Variants in AOPEP observed in about 807,000 individuals in gnomAD.
AOPEP encodes the protein aminopeptidase O.
Under a neutral mutation model 98.1 loss-of-function variants are expected in AOPEP, and 77 were observed. The ratio of observed to expected loss-of-function variants is 0.78; its 90% CI spans 0.65 to 0.95. The LOEUF (loss-of-function observed/expected upper bound fraction) is 0.95. Among genes scored for constraint, AOPEP ranks in the 40% least tolerant of loss-of-function variants. The pLI, the probability that AOPEP is intolerant of heterozygous loss-of-function variation, is 0.00. For missense variants in AOPEP, 1,024 were observed against 1,024.7 expected (o/e 1.00, Z 0.01); for synonymous variants, 346 against 365.3 (o/e 0.95, Z 0.60).
chr9:94,761,118 C>A (rs991218579), intron 2 of AOPEP, among the ~76,000 whole-genome samples: 7 of 151,908 alleles, frequency 4.6e-5, no homozygotes, highest in Admixed American at 4.6e-4. Context: ...TGACCCCCCC[C>A]AAAGCATACA....
chr9:95,092,533 G>C, the AOPEP span, among the ~76,000 whole-genome samples: 1 of 152,254 alleles, frequency 6.6e-6, no homozygotes, highest in Non-Finnish European at 1.5e-5. Flanking sequence ...GCACAGAGGC[G>C]ACTGGGTGTG....
At chr9:94,914,574 A>G (rs562346532) in intron 5 of AOPEP, among the ~76,000 whole-genome samples, 1 of 128,932 alleles carries the variant, frequency 7.8e-6, no homozygotes, top group Non-Finnish European at 1.7e-5. Flanking sequence ...GTACAGGATA[A>G]ATATGTGCCC....
chr9:94,822,275 G>C (rs1853415297), intron 5 of AOPEP, among the ~76,000 whole-genome samples: 1 of 152,202 alleles, frequency 6.6e-6, no homozygotes, highest in African/African-American at 2.4e-5. Context: ...AGCAGCAGGA[G>C]GGTCATTTTG....
chr9:94,775,003 T>A (rs1008854048), intron 3 of AOPEP, among the ~76,000 whole-genome samples: 4 of 152,188 alleles, frequency 2.6e-5, no homozygotes. Context: ...TTTTGCCATT[T>A]GTCTTATTTT....
At chr9:95,117,572 A>G in the AOPEP span, among the ~76,000 whole-genome samples, 2 of 147,050 alleles carry the variant, frequency 1.4e-5, no homozygotes, top group Non-Finnish European at 3.0e-5. Flanking sequence ...TTCCAGAATA[A>G]TTAACCTTTT....
chr9:95,071,494 TAAAG>T (rs2068508181), intron 14 of AOPEP, among the ~76,000 whole-genome samples: 1 of 152,180 alleles, frequency 6.6e-6, no homozygotes, highest in African/African-American at 2.4e-5. Context: ...TGTTTAAAAA[TAAAG>T]CAAGGAAAGC....
chr9:94,975,135 A>G (rs573083393), intron 10 of AOPEP, among the ~76,000 whole-genome samples: 72 of 152,176 alleles, frequency 4.7e-4, no homozygotes, highest in African/African-American at 1.7e-3. Flanking sequence ...GAAGGCTGAG[A>G]TGGGAGGATC....
At chr9:95,032,969 AT>A (rs957475024) in intron 13 of AOPEP, among the ~76,000 whole-genome samples, 1 of 152,210 alleles carries the variant, frequency 6.6e-6, no homozygotes, top group Non-Finnish European at 1.5e-5. Flanking sequence ...ACTAGAGTTC[AT>A]TTTAGAATGG....
chr9:94,961,279 C>T (rs2058822606), intron 9 of AOPEP, among the ~76,000 whole-genome samples: 1 of 152,096 alleles, frequency 6.6e-6, no homozygotes, highest in Non-Finnish European at 1.5e-5. Flanking sequence ...CTATGGTTTT[C>T]TATCTTTTTT....
At chr9:94,744,398 C>G (rs762909252) in intron 1 of AOPEP, among the ~76,000 whole-genome samples, 10 of 147,698 alleles carry the variant, frequency 6.8e-5, no homozygotes, top group Admixed American at 2.7e-4. Context: ...GTCTCAACAA[C>G]AACAACAACA....
At chr9:95,132,534 A>C in the AOPEP span, among the ~76,000 whole-genome samples, 7 of 152,306 alleles carry the variant, frequency 4.6e-5, no homozygotes, top group African/African-American at 1.7e-4. Context: ...TCTGTACAGT[A>C]AATGACAATC....
the AOPEP span, among the ~76,000 whole-genome samples, chr9:95,102,661 G>A: frequency 6.6e-6 from 1 of 152,190 alleles, no homozygotes; most frequent in Non-Finnish European, 1.5e-5. Flanking sequence ...GTTCTGGGAG[G>A]GTGAACAACT....
rs749667289 is a variant in AOPEP, at chr9:94,751,744, C to CT, written c.-135-7891dup. ...TGAAGAATACCCTACATGAAAATTT[C>CT]TTTTTTTTTTTTTTAACTGAAATTT... On this transcript the variant is annotated intron_variant, in intron 1 of 16. Coordinates refer to ENST00000375315, the MANE Select transcript of AOPEP (RefSeq NM_001193329.3). Among the ~76,000 whole-genome samples the CT allele has an allele frequency of 2.2e-3, 307 of 137,100 alleles. 1 individual carries two copies. Among genetic ancestry groups the CT allele is most frequent in the African/African-American group, 5.9e-3 (221 of 37,344 alleles). The allele number at this position is 137,100 out of a possible 152,430, so 89.9% of individuals were successfully genotyped here.
At chr9:94,902,547 A>C (rs1306057923) in intron 5 of AOPEP, among the ~76,000 whole-genome samples, 2 of 152,206 alleles carry the variant, frequency 1.3e-5, no homozygotes, top group Non-Finnish European at 2.9e-5. Flanking sequence ...AATTTACCCA[A>C]GACATTAGTA....
intron 14 of AOPEP, among the ~76,000 whole-genome samples, chr9:95,077,752 C>G (rs2069236596): frequency 6.6e-6 from 1 of 152,126 alleles, no homozygotes. Context: ...TGTCAGGGCT[C>G]CTTTGGAAAT....
chr9:95,100,971 T>C, the AOPEP span: 4 of 232,680 alleles, frequency 1.7e-5, no homozygotes, highest in Non-Finnish European at 3.4e-5. Context: ...CCATTTCCAT[T>C]TAACAAGAGA....
At chr9:95,086,414 G>C in intron 16 of AOPEP, 5 of 985,414 alleles carry the variant, frequency 5.1e-6, no homozygotes, top group Non-Finnish European at 6.0e-6. Flanking sequence ...GTTAGAGTGG[G>C]TGCGTGTCTG....
Position 94,942,066 on chromosome 9 carries a change from A to G in AOPEP, c.1662-13111A>G, listed in dbSNP as rs948946973. Reference sequence around the variant, plus strand: ...ATACTTCCATATTGCTGCTCCGTGTAGCACTGATTCATTATAATGCTATTT... The same window carrying G: ...ATACTTCCATATTGCTGCTCCGTGTGGCACTGATTCATTATAATGCTATTT... On this transcript the variant is annotated intron_variant, in intron 7 of 16. Coordinates refer to ENST00000375315, the MANE Select transcript of AOPEP (RefSeq NM_001193329.3). Among the ~76,000 whole-genome samples the G allele has an allele frequency of 4.6e-5, 7 of 152,240 alleles. No homozygotes were observed. In the East Asian group the frequency reaches 5.8e-4, roughly 13 times the overall value.
the AOPEP span, among the ~76,000 whole-genome samples, chr9:95,140,128 T>C: frequency 6.6e-6 from 1 of 152,116 alleles, no homozygotes; most frequent in African/African-American, 2.4e-5. Flanking sequence ...AGTTATGTTT[T>C]AGGAAATGGG....
Sources: allele counts gnomAD v4.1 joint callset (sites outside exome capture counted in the v4.1 genomes callset), GRCh38; gene constraint gnomAD v4.1.1; transcripts MANE v1.5; gene names NCBI Gene and HGNC (gene_info 2026-07-23, HGNC 2026-07-21).